FUT9: variants seen among roughly 807,000 people sequenced by gnomAD.
FUT9 encodes the protein fucosyltransferase 9, also known as 4-galactosyl-N-acetylglucosaminide 3-alpha-L-fucosyltransferase 9.
In FUT9, 15 loss-of-function variants were observed where a neutral mutation model predicts 29.7. The observed-to-expected ratio is 0.51, with a 90% CI of 0.34 to 0.78. FUT9 has a LOEUF of 0.78. Ranked by LOEUF, FUT9 falls within the 30% of genes least tolerant of loss-of-function variation. The probability of loss-of-function intolerance (pLI) is 0.01; values close to 1 mark genes in which losing one functional copy is unlikely to be tolerated. For missense variants in FUT9, 319 were observed against 425.4 expected, an observed-to-expected ratio of 0.75 and a Z score of 2.20; for synonymous variants, 169 against 153.7, an observed-to-expected ratio of 1.10 and a Z score of -0.74.
intron 1 of FUT9, among the ~76,000 whole-genome samples, chr6:96,106,475 T>C (rs887049322): frequency 6.6e-6 from 1 of 152,094 alleles, no homozygotes; most frequent in East Asian, 1.9e-4. Context: ...CCTGGCCTAC[T>C]TTCCCAATCC....
intron 2 of FUT9, among the ~76,000 whole-genome samples, chr6:96,199,825 T>C (rs1025852648): frequency 5.9e-5 from 9 of 152,160 alleles, no homozygotes; most frequent in Admixed American, 1.3e-4. Flanking sequence ...ATGCAGCAAT[T>C]CACCCATTTA....
At chr6:96,156,230 G>T (rs1158637932) in intron 2 of FUT9, among the ~76,000 whole-genome samples, 1 of 152,114 alleles carries the variant, frequency 6.6e-6, no homozygotes, top group Non-Finnish European at 1.5e-5. Flanking sequence ...GTGAGCCAGT[G>T]CAACTATCAC....
intron 2 of FUT9, among the ~76,000 whole-genome samples, chr6:96,131,711 T>C (rs939594447): frequency 1.3e-5 from 2 of 152,086 alleles, no homozygotes; most frequent in Admixed American, 1.3e-4. Flanking sequence ...CCCAAAGAAA[T>C]TGAGATTGAG....
chr6:96,176,662 T>A lies in FUT9; in HGVS notation c.-8-26486T>A, dbSNP rs1451498007. ...ACCTATTTTTCTTGCCCAGTTGAAATTCAAGAGAATGAGTAGAGGCATCTT... is the reference window on the plus strand; with the variant it reads ...ACCTATTTTTCTTGCCCAGTTGAAAATCAAGAGAATGAGTAGAGGCATCTT... On this transcript the variant is annotated intron_variant, in intron 2 of 2. Transcript: ENST00000302103. 3.9e-5 allele frequency among the ~76,000 whole-genome samples: 6 copies of A among 152,180 alleles called. No individual in the cohort carries two copies. In the East Asian group the frequency reaches 1.2e-3, roughly 29 times the overall value.
At chr6:96,076,521 C>T (rs965381874) in intron 1 of FUT9, among the ~76,000 whole-genome samples, 2 of 152,110 alleles carry the variant, frequency 1.3e-5, no homozygotes, top group East Asian at 1.9e-4. Context: ...TTTAGCATTT[C>T]GCCATGTGAG....
intron 1 of FUT9, among the ~76,000 whole-genome samples, chr6:96,059,059 C>T (rs1484684681): frequency 6.6e-6 from 1 of 151,940 alleles, no homozygotes; most frequent in Non-Finnish European, 1.5e-5. Context: ...TAATATCTTG[C>T]TATATGTGGT....
At chr6:96,146,529 G>A (rs1772570829) in intron 2 of FUT9, among the ~76,000 whole-genome samples, 2 of 152,110 alleles carry the variant, frequency 1.3e-5, no homozygotes, top group South Asian at 2.1e-4. Flanking sequence ...TAATAATTTG[G>A]TAAGTTAAAA....
chr6:96,213,772 A>G lies in FUT9; in HGVS notation c.*9537A>G, dbSNP rs112067318. 1.7e-3 allele frequency: 285 copies of G among 167,078 alleles called. 2 individuals are homozygous for G. Among genetic ancestry groups the G allele is most frequent in the African/African-American group, 6.5e-3 (272 of 41,572 alleles). The allele number at this position is 167,078 out of a possible 1,614,324, so 10.3% of individuals were successfully genotyped here. On this transcript the variant is annotated 3_prime_UTR_variant, in exon 3 of 3. Transcript: ENST00000302103. ...GTAGAGTATTTTTCCACACTTGAAA[A>G]AAACATGATTATTTTATATCAAACA... is the stretch of plus-strand genomic sequence containing the variant.
Position 96,203,494 on chromosome 6 carries a change from C to A in FUT9, c.339C>A (p.Ile113=), listed in dbSNP as rs1773766605. ...SHAVLIHHRD[I]SWDLTNLPQQ... ...CAGTTCTGATCCATCACCGAGACAT[C>A]AGTTGGGATCTGACAAATTTACCTC... Residue 113 remains isoleucine, a synonymous_variant, in exon 3 of 3, where the codon ATC becomes ATA. Coordinates refer to ENST00000302103, the MANE Select transcript of FUT9 (RefSeq NM_006581.4). 6.2e-7 allele frequency: 1 copy of A among 1,611,748 alleles called. No homozygotes were observed. The highest frequency in any genetic ancestry group is 2.2e-5 in the East Asian group (1 of 44,862).
chr6:96,098,880 G>A (rs1435807609), intron 1 of FUT9, among the ~76,000 whole-genome samples: 3 of 152,090 alleles, frequency 2.0e-5, no homozygotes, highest in Non-Finnish European at 4.4e-5. Flanking sequence ...GTCTGTTACT[G>A]TAACTTTTCC....
At chr6:96,101,453 G>A (rs1316855892) in intron 1 of FUT9, among the ~76,000 whole-genome samples, 1 of 151,906 alleles carries the variant, frequency 6.6e-6, no homozygotes, top group Admixed American at 6.6e-5. Context: ...GGAGGCTGAG[G>A]CAGGAGAATC....
At chr6:96,064,922 G>A (rs1770937619) in intron 1 of FUT9, among the ~76,000 whole-genome samples, 1 of 152,098 alleles carries the variant, frequency 6.6e-6, no homozygotes, top group Non-Finnish European at 1.5e-5. Context: ...AAATATTGTA[G>A]CATAGAAAAG....
chr6:96,195,214 A>G (rs539601019), intron 2 of FUT9, among the ~76,000 whole-genome samples: 1 of 152,326 alleles, frequency 6.6e-6, no homozygotes, highest in East Asian at 1.9e-4. Context: ...TTAAAAAGAC[A>G]TGCATTGGAC....
chr6:96,071,835 A>G (rs1284595565), intron 1 of FUT9, among the ~76,000 whole-genome samples: 1 of 152,126 alleles, frequency 6.6e-6, no homozygotes, highest in Non-Finnish European at 1.5e-5. Context: ...GGGTTCCACT[A>G]TGTTACCCAG....
At chr6:96,032,706 A>G (rs1031716089) in intron 1 of FUT9, among the ~76,000 whole-genome samples, 1 of 151,552 alleles carries the variant, frequency 6.6e-6, no homozygotes, top group Non-Finnish European at 1.5e-5. Flanking sequence ...TTTCCTTTTC[A>G]GAACTCCCTG....
At chr6:96,077,131 T>C (rs1357624899) in intron 1 of FUT9, among the ~76,000 whole-genome samples, 1 of 152,176 alleles carries the variant, frequency 6.6e-6, no homozygotes, top group Admixed American at 6.5e-5. Context: ...CTGGTATAAT[T>C]TTCTTATGAT....
intron 1 of FUT9, among the ~76,000 whole-genome samples, chr6:96,035,688 T>G (rs1373200798): frequency 7.9e-5 from 11 of 139,018 alleles, no homozygotes; most frequent in Non-Finnish European, 1.5e-4. Flanking sequence ...AATATTATAT[T>G]TATTATACTA....
chr6:96,089,233 G>A (rs1015535975), intron 1 of FUT9, among the ~76,000 whole-genome samples: 3 of 152,108 alleles, frequency 2.0e-5, no homozygotes, highest in South Asian at 4.1e-4. Context: ...AATAGCCAAG[G>A]AGATTCTTCT....
At chr6:96,071,208 A>T (rs1423823982) in intron 1 of FUT9, among the ~76,000 whole-genome samples, 1 of 152,208 alleles carries the variant, frequency 6.6e-6, no homozygotes, top group Non-Finnish European at 1.5e-5. Flanking sequence ...ATGTGTCTGC[A>T]GTTGGAAATT....
Sources: gnomAD v4.1 joint callset for allele counts (sites outside exome capture counted in the v4.1 genomes callset) on GRCh38, gnomAD v4.1.1 for gene constraint, MANE v1.5 for transcripts, NCBI Gene and HGNC (gene_info 2026-07-23, HGNC 2026-07-21) for gene names.